The following SLC7A1 variants were observed in gnomAD, a reference collection of about 807,000 sequenced individuals.
SLC7A1 encodes the protein solute carrier family 7 member 1, also known as high affinity cationic amino acid transporter 1.
SLC7A1 carries 10 observed loss-of-function variants against 53.9 expected under a neutral mutation model. That is an observed-to-expected ratio of 0.19 (90% CI 0.11 to 0.31). The LOEUF (loss-of-function observed/expected upper bound fraction) is 0.31, where lower values mean the gene tolerates loss of function less well. Among genes scored for constraint, SLC7A1 ranks in the 10% least tolerant of loss-of-function variants. The pLI is 1.00. For synonymous variants in SLC7A1, 342 were observed against 338.7 expected, an observed-to-expected ratio of 1.01 and a Z score of -0.11; for missense variants, 525 against 827.2, an observed-to-expected ratio of 0.63 and a Z score of 4.48.
At chr13:29,580,789 C>T (rs1871612981) in intron 1 of SLC7A1, among the ~76,000 whole-genome samples, 1 of 152,200 alleles carries the variant, frequency 6.6e-6, no homozygotes, top group South Asian at 2.1e-4. Flanking sequence ...CTCTACATTC[C>T]TGCAAGAGGT....
chr13:29,524,722 T>A (rs1244015178), intron 5 of SLC7A1, among the ~76,000 whole-genome samples: 1 of 152,194 alleles, frequency 6.6e-6, no homozygotes, highest in Non-Finnish European at 1.5e-5. Flanking sequence ...TAAAAGTCTT[T>A]GTCAGCAAAG....
At chr13:29,563,649 G>T (rs1238188400) in intron 1 of SLC7A1, among the ~76,000 whole-genome samples, 1 of 152,196 alleles carries the variant, frequency 6.6e-6, no homozygotes, top group Non-Finnish European at 1.5e-5. Context: ...AACTGTTGGG[G>T]ATGCCTTCGC....
At chr13:29,559,412 G>C (rs1256183035) in intron 1 of SLC7A1, among the ~76,000 whole-genome samples, 6 of 356 alleles carry the variant, frequency 0.017, 1 homozygote, top group Non-Finnish European at 0.035. Context: ...ATGTGAGTGA[G>C]GGGGAGTGAA....
chr13:29,542,181 G>A (rs1224628826), intron 2 of SLC7A1, among the ~76,000 whole-genome samples: 4 of 152,174 alleles, frequency 2.6e-5, no homozygotes, highest in Admixed American at 6.5e-5. Context: ...TCGGCCAGGC[G>A]CGGTGGCTCA....
chr13:29,516,907 G>C, intron 11 of SLC7A1: 1 of 440,508 alleles, frequency 2.3e-6, no homozygotes. Flanking sequence ...ATGCAGGAAG[G>C]TGTCAGCCTG....
intron 5 of SLC7A1, among the ~76,000 whole-genome samples, chr13:29,525,130 T>C (rs2482091): frequency 0.81 from 123,283 of 152,178 alleles, 51,724 homozygotes; most frequent in East Asian, 0.95. Flanking sequence ...CCCTGGCCAC[T>C]GTCCCCTGGT....
chr13:29,588,205 T>C (rs1871967295), intron 1 of SLC7A1, among the ~76,000 whole-genome samples: 1 of 152,214 alleles, frequency 6.6e-6, no homozygotes, highest in Middle Eastern at 3.2e-3. Flanking sequence ...ATATGGACTG[T>C]GGCCTAGATC....
Position 29,512,170 on chromosome 13 carries a change from A to AC in SLC7A1, c.*2309dup, listed in dbSNP as rs1883412975. Reference sequence around the variant, plus strand: ...TGACCAGTGAACTATTATGCAAGGCACCCCCACGTGTCCTTTCCTAACCAG... The same window carrying AC: ...TGACCAGTGAACTATTATGCAAGGCACCCCCCACGTGTCCTTTCCTAACCAG... On this transcript the variant is annotated 3_prime_UTR_variant, in exon 13 of 13. Coordinates refer to ENST00000380752, the MANE Select transcript of SLC7A1 (RefSeq NM_003045.5). 6.6e-6 allele frequency: 1 copy of AC among 152,066 alleles called. No individual in the cohort carries two copies. The highest frequency in any genetic ancestry group is 2.4e-5 in the African/African-American group (1 of 41,388). The allele number at this position is 152,066 out of a possible 1,614,324, so 9.4% of individuals were successfully genotyped here. A position where few individuals can be genotyped will look rare whatever the true frequency, so the allele number is the denominator to read the frequency against.
At chr13:29,570,698 GA>G (rs1372202416) in intron 1 of SLC7A1, among the ~76,000 whole-genome samples, 2 of 151,270 alleles carry the variant, frequency 1.3e-5, no homozygotes, top group South Asian at 2.1e-4. Context: ...CAAAATACAG[GA>G]AAAAAAAATT....
chr13:29,560,616 G>A lies in SLC7A1; in HGVS notation c.-114-6756C>T, dbSNP rs562613195. Among the ~76,000 whole-genome samples, 4 of 152,110 alleles carry A rather than the reference G, an allele frequency of 2.6e-5. No individual in the cohort carries two copies. The South Asian group carries it at 8.3e-4, about 32-fold the overall frequency. The stretch of plus-strand genomic sequence containing the variant: ...ATTGCATGTGCTATACTTTTAGATG[G>A]CTGGCAATGCAGTATGTCTGTTAAC... On this transcript the variant is annotated intron_variant, in intron 1 of 12. Transcript: ENST00000380752.
At chr13:29,553,457 G>T (rs1473246646) in intron 2 of SLC7A1, among the ~76,000 whole-genome samples, 1 of 152,142 alleles carries the variant, frequency 6.6e-6, no homozygotes, top group Non-Finnish European at 1.5e-5. Context: ...AGGCCTCAGG[G>T]ACGGAAGGCC....
At chr13:29,562,110 C>T (rs1012368436) in intron 1 of SLC7A1, among the ~76,000 whole-genome samples, 1 of 152,210 alleles carries the variant, frequency 6.6e-6, no homozygotes, top group Admixed American at 6.5e-5. Flanking sequence ...AGTTCCATCC[C>T]AGCATAGCAT....
chr13:29,574,930 C>T (rs562188530), intron 1 of SLC7A1, among the ~76,000 whole-genome samples: 1 of 152,306 alleles, frequency 6.6e-6, no homozygotes, highest in South Asian at 2.1e-4. Context: ...CGGCATGAGC[C>T]ACCGTGCGTG....
At chr13:29,531,725 T>C (rs1240374121) in intron 4 of SLC7A1, among the ~76,000 whole-genome samples, 1 of 152,052 alleles carries the variant, frequency 6.6e-6, no homozygotes, top group Non-Finnish European at 1.5e-5. Context: ...TCGCAGCTAC[T>C]GGGGAGGCTG....
At chr13:29,520,334 G>A (rs1306777035) in intron 8 of SLC7A1, among the ~76,000 whole-genome samples, 1 of 152,130 alleles carries the variant, frequency 6.6e-6, no homozygotes, top group Non-Finnish European at 1.5e-5. Flanking sequence ...CAACAGTGCT[G>A]GGTGATAAAG....
intron 1 of SLC7A1, among the ~76,000 whole-genome samples, chr13:29,594,150 G>A (rs1872213605): frequency 6.6e-6 from 1 of 152,102 alleles, no homozygotes; most frequent in African/African-American, 2.4e-5. Context: ...AAACATAAAG[G>A]GCAAGAAATG....
chr13:29,547,484 A>T (rs1869973535), intron 2 of SLC7A1, among the ~76,000 whole-genome samples: 1 of 152,232 alleles, frequency 6.6e-6, no homozygotes. Context: ...ATTAGAGAAA[A>T]AGTGTCAAAA....
chr13:29,583,701 G>C (rs1871752129), intron 1 of SLC7A1, among the ~76,000 whole-genome samples: 1 of 152,168 alleles, frequency 6.6e-6, no homozygotes, highest in Non-Finnish European at 1.5e-5. Flanking sequence ...TCAGACCACA[G>C]AGTCTTTCAG....
Position 29,520,081 on chromosome 13 carries a change from A to C in SLC7A1, c.1190-532T>G, listed in dbSNP as rs933536300. ...TTCATCCACTCACCATCCATCCATC[A>C]ATCCATCTCATCCATCTGCCCATCT... is the stretch of plus-strand genomic sequence containing the variant. On this transcript the variant is annotated intron_variant, in intron 8 of 12. Coordinates refer to ENST00000380752, the MANE Select transcript of SLC7A1 (RefSeq NM_003045.5). 3.3e-5 allele frequency among the ~76,000 whole-genome samples: 5 copies of C among 151,916 alleles called. 1 individual carries two copies. In the South Asian group the frequency reaches 1.0e-3, roughly 32 times the overall value.
Sources: allele counts gnomAD v4.1 joint callset (sites outside exome capture counted in the v4.1 genomes callset), GRCh38; gene constraint gnomAD v4.1.1; transcripts MANE v1.5; gene names NCBI Gene and HGNC (gene_info 2026-07-23, HGNC 2026-07-21).